OR2T11: variants seen among roughly 807,000 people sequenced by gnomAD.
OR2T11 encodes the protein olfactory receptor family 2 subfamily T member 11, also known as olfactory receptor 2T11.
Under a neutral mutation model 13.5 loss-of-function variants are expected in OR2T11, and 14 were observed. That is an observed-to-expected ratio of 1.04 (90% CI 0.69 to 1.62). The LOEUF is 1.62. Among genes scored for constraint, OR2T11 ranks in the 40% most tolerant of loss-of-function variants. The pLI is 0.00. For synonymous variants in OR2T11, 163 were observed against 154.6 expected (o/e 1.05, Z -0.40); for missense variants, 410 against 389.7 (o/e 1.05, Z -0.44).
rs775413045 is a variant in OR2T11, at chr1:248,629,155, C to A, written c.-144-1883G>T. Among the ~76,000 whole-genome samples the A allele has an allele frequency of 7.7e-5, 11 of 142,546 alleles. 2 individuals carry two copies. The highest frequency in any genetic ancestry group is 1.4e-4 in the African/African-American group (5 of 35,986). 93.5% of individuals were successfully genotyped at this position (142,546 alleles called of 152,430 possible). A position where few individuals can be genotyped will look rare whatever the true frequency, so the allele number is the denominator to read the frequency against. On this transcript the variant is annotated intron_variant, in intron 1 of 1. Coordinates refer to ENST00000641193, the MANE Select transcript of OR2T11 (RefSeq NM_001001964.2). ...GGTGTGGTGGTTCATGCCTGTAACC[C>A]CAGCACTTAGGGAGGCCAGGGCGGA...
At position 248,631,862 on chromosome 1, in the gene OR2T11, T is replaced by C. The variant is rs1165722961; in HGVS notation, c.-145+3176A>G. Reference sequence around the variant, plus strand: ...ATGACTCATCTCCCAGCAGACATCATAAAGCCCCATTCAATAGGCATGTTT... The same window carrying C: ...ATGACTCATCTCCCAGCAGACATCACAAAGCCCCATTCAATAGGCATGTTT... On this transcript the variant is annotated intron_variant, in intron 1 of 1. Coordinates refer to ENST00000641193, the MANE Select transcript of OR2T11 (RefSeq NM_001001964.2). Among the ~76,000 whole-genome samples the C allele has an allele frequency of 9.8e-5, 14 of 143,422 alleles. 1 individual carries two copies. Among genetic ancestry groups the C allele is most frequent in the African/African-American group, 1.6e-4 (6 of 36,432 alleles). 94.1% of individuals were successfully genotyped at this position (143,422 alleles called of 152,430 possible).
In OR2T11 at chr1:248,626,033, C is replaced by G; in HGVS notation, c.*145G>C. On this transcript the variant is annotated 3_prime_UTR_variant, in exon 2 of 2. Transcript: ENST00000641193. Reference sequence around the variant, plus strand: ...ATAACAGTAAAACATCTTTCCCTTGCTCCCGAGGAGCAAGAATCCAGACAG... The same window carrying G: ...ATAACAGTAAAACATCTTTCCCTTGGTCCCGAGGAGCAAGAATCCAGACAG... 2 of 554,378 alleles carry G rather than the reference C, an allele frequency of 3.6e-6. 1 individual carries two copies. Among genetic ancestry groups the G allele is most frequent in the Non-Finnish European group, 6.4e-6 (2 of 311,232 alleles). The allele number at this position is 554,378 out of a possible 1,614,324, so 34.3% of individuals were successfully genotyped here.
Position 248,626,925 on chromosome 1 carries a change from G to C in OR2T11, c.204C>G (p.Thr68=), listed in dbSNP as rs749864864. Residue 68 remains threonine (T), a synonymous_variant, in exon 2 of 2, where the codon ACC becomes ACG. Coordinates refer to ENST00000641193, the MANE Select transcript of OR2T11 (RefSeq NM_001001964.2). ...FLLSQLSIMD[T]LFICTTVPKL... ...TTGGGACAGTGGTACAGATGAAAAGGGTGTCCATGATGGACAGCTGACTGA... is the reference window on the plus strand; with the variant it reads ...TTGGGACAGTGGTACAGATGAAAAGCGTGTCCATGATGGACAGCTGACTGA... The C allele has an allele frequency of 1.3e-5, 20 of 1,570,834 alleles. 3 individuals are homozygous for C. The highest frequency in any genetic ancestry group is 2.3e-5 in the South Asian group (2 of 88,834).
Position 248,623,655 on chromosome 1 carries a change from A to G in OR2T11, c.*2523T>C, listed in dbSNP as rs1305149055. ...AATTATATGCCTTGGAAAAGCATAA[A>G]TATGACACACTTTATTCACAAAGGA... On this transcript the variant is annotated 3_prime_UTR_variant, in exon 2 of 2. Transcript: ENST00000641193. The G allele has an allele frequency of 7.0e-6, 1 of 142,634 alleles. No homozygotes were observed. Among genetic ancestry groups the G allele is most frequent in the African/African-American group, 2.8e-5 (1 of 35,710 alleles). The allele number at this position is 142,634 out of a possible 1,614,324, so 8.8% of individuals were successfully genotyped here. A position where few individuals can be genotyped will look rare whatever the true frequency, so the allele number is the denominator to read the frequency against.
chr1:248,634,413 T>A lies in OR2T11; in HGVS notation c.-145+625A>T, dbSNP rs1247398526. On this transcript the variant is annotated intron_variant, in intron 1 of 1. Transcript: ENST00000641193. ...AATGTAGTCAAAGCAAACCAAGTAT[T>A]TTCCTGGCCTTTATTACCTGGGATT... Among the ~76,000 whole-genome samples the A allele has an allele frequency of 1.4e-5, 2 of 142,160 alleles. 1 individual carries two copies. The highest frequency in any genetic ancestry group is 3.0e-5 in the Non-Finnish European group (2 of 66,144). 93.3% of individuals were successfully genotyped at this position (142,160 alleles called of 152,430 possible). A position where few individuals can be genotyped will look rare whatever the true frequency, so the allele number is the denominator to read the frequency against.
Position 248,626,382 on chromosome 1 carries a change from A to G in OR2T11, c.747T>C (p.Tyr249=), listed in dbSNP as rs1438474406. 4 of 1,573,214 alleles carry G rather than the reference A, an allele frequency of 2.5e-6. No homozygotes were observed. Among genetic ancestry groups the G allele is most frequent in the Non-Finnish European group, 3.5e-6 (4 of 1,156,752 alleles). ...SSHLTVVSIF[Y]GAAFYTYVLP... is the part of the protein sequence containing the mutation. ...GCACGTATGTGTAGAAGGCAGCCCC[A>G]TAGAAGATGCTAACTACAGTCAAGT... The change falls in exon 2 of 2, where the codon TAT becomes TAC. Residue 249 remains tyrosine, a synonymous_variant. Coordinates refer to ENST00000641193, the MANE Select transcript of OR2T11 (RefSeq NM_001001964.2).
chr1:248,633,754 A>G (rs1660646875), intron 1 of OR2T11, among the ~76,000 whole-genome samples: 1 of 143,564 alleles, frequency 7.0e-6, no homozygotes, highest in South Asian at 2.2e-4. Flanking sequence ...AATTTTGACA[A>G]CATCAACTGA....
intron 1 of OR2T11, among the ~76,000 whole-genome samples, chr1:248,628,491 A>T (rs1439897236): frequency 7.1e-6 from 1 of 141,230 alleles, no homozygotes; most frequent in Non-Finnish European, 1.5e-5. Flanking sequence ...TGCCAGATTT[A>T]GCAAAGATAC....
Position 248,625,944 on chromosome 1 carries a change from A to G in OR2T11, c.*234T>C, listed in dbSNP as rs1377944800. 2 of 337,594 alleles carry G rather than the reference A, an allele frequency of 5.9e-6. No individual in the cohort carries two copies. Among genetic ancestry groups the G allele is most frequent in the Middle Eastern group, 7.4e-4 (1 of 1,344 alleles). The allele number at this position is 337,594 out of a possible 1,614,324, so 20.9% of individuals were successfully genotyped here. On this transcript the variant is annotated 3_prime_UTR_variant, in exon 2 of 2. Coordinates refer to ENST00000641193, the MANE Select transcript of OR2T11 (RefSeq NM_001001964.2). ...TGGGGTTTTTCTTCCCTAAATAAAA[A>G]GACTAGATAAATTATTTAACTTCAT...
chr1:248,627,278 G>A lies in OR2T11; in HGVS notation c.-144-6C>T. ...TGAAGCTTCCAGGCTAGAGGCTAGA[G>A]AAGAACAGGCAGACCAACATGCACA... On this transcript the variant is annotated splice_polypyrimidine_tract_variant and splice_region_variant and intron_variant, in intron 1 of 1. Transcript: ENST00000641193. 3.5e-6 allele frequency: 2 copies of A among 577,830 alleles called. No homozygotes were observed. Among genetic ancestry groups the A allele is most frequent in the Admixed American group, 6.1e-5 (2 of 32,686 alleles). 35.8% of individuals were successfully genotyped at this position (577,830 alleles called of 1,614,324 possible). A position where few individuals can be genotyped will look rare whatever the true frequency, so the allele number is the denominator to read the frequency against.
rs777812111 is a variant in OR2T11, at chr1:248,626,178, C to A, written c.951G>T (p.Ter317TyrextTer36). 2.9e-5 allele frequency: 42 copies of A among 1,457,328 alleles called. 2 individuals are homozygous for A. Among genetic ancestry groups the A allele is most frequent in the Non-Finnish European group, 3.8e-5 (40 of 1,053,818 alleles). The allele number at this position is 1,457,328 out of a possible 1,614,324, so 90.3% of individuals were successfully genotyped here. Residue 317 changes from the stop codon to tyrosine (Y), a stop_lost, in exon 2 of 2, where the codon TAG becomes TAT. Transcript: ENST00000641193. Reference protein sequence around the residue: ...SAQKVATSDA* With the variant: ...SAQKVATSDAY ...GCCTTATCCTCTGGGCAGTGACTCT[C>A]TAAGCATCACTTGTTGCTACTTTCT...
In OR2T11 at chr1:248,626,383, T is replaced by C; in HGVS notation, c.746A>G (p.Tyr249Cys). The C allele has an allele frequency of 6.4e-7, 1 of 1,572,630 alleles. No individual in the cohort carries two copies. Among genetic ancestry groups the C allele is most frequent in the Non-Finnish European group, 8.6e-7 (1 of 1,156,442 alleles). ...SSHLTVVSIF[Y>C]GAAFYTYVLP... ...CACGTATGTGTAGAAGGCAGCCCCA[T>C]AGAAGATGCTAACTACAGTCAAGTG... The change falls in exon 2 of 2, where the codon TAT becomes TGT. Residue 249 changes from tyrosine (Y) to cysteine (C), a missense_variant. Physicochemically the swap from Tyr to Cys is radical, Grantham distance 194 (BLOSUM62 -2). Transcript: ENST00000641193.
At chr1:248,627,385 G>A in intron 1 of OR2T11, 113 bp from the exon 2 acceptor site, 1 of 467,998 alleles carries the variant, frequency 2.1e-6, no homozygotes, top group Non-Finnish European at 3.8e-6. Context: ...TCATGCTGCT[G>A]GAGGTTATGG....
intron 1 of OR2T11, among the ~76,000 whole-genome samples, chr1:248,630,478 C>A (rs537669477): frequency 7.0e-6 from 1 of 143,724 alleles, no homozygotes; most frequent in Non-Finnish European, 1.5e-5. Flanking sequence ...TCTGTCCTTG[C>A]TCTGACAGCT....
At position 248,625,620 on chromosome 1, in the gene OR2T11, G is replaced by A. The variant is rs927721163; in HGVS notation, c.*558C>T. On this transcript the variant is annotated 3_prime_UTR_variant, in exon 2 of 2. Coordinates refer to ENST00000641193, the MANE Select transcript of OR2T11 (RefSeq NM_001001964.2). ...TGTTCAATTCACCACCATTTATTGT[G>A]GCCTAGTATTTGATAGCTGCTGTCT... 2 of 145,946 alleles carry A rather than the reference G, an allele frequency of 1.4e-5. No homozygotes were observed. Among genetic ancestry groups the A allele is most frequent in the African/African-American group, 5.5e-5 (2 of 36,546 alleles). The allele number at this position is 145,946 out of a possible 1,614,324, so 9.0% of individuals were successfully genotyped here.
Position 248,625,952 on chromosome 1 carries a change from TAAA to T in OR2T11, c.*223_*225del, listed in dbSNP as rs1217287311. ...TTCTTCCCTAAATAAAAAGACTAGA[TAAA>T]TTATTTAACTTCATAATAAACCATT... On this transcript the variant is annotated 3_prime_UTR_variant, in exon 2 of 2. Coordinates refer to ENST00000641193, the MANE Select transcript of OR2T11 (RefSeq NM_001001964.2). 6.6e-5 allele frequency: 24 copies of T among 362,150 alleles called. 1 individual carries two copies. The highest frequency in any genetic ancestry group is 9.8e-5 in the Non-Finnish European group (20 of 204,800). 22.4% of individuals were successfully genotyped at this position (362,150 alleles called of 1,614,324 possible). A position where few individuals can be genotyped will look rare whatever the true frequency, so the allele number is the denominator to read the frequency against.
At chr1:248,628,286 A>G (rs1401355061) in intron 1 of OR2T11, among the ~76,000 whole-genome samples, 1 of 143,232 alleles carries the variant, frequency 7.0e-6, no homozygotes, top group Admixed American at 6.8e-5. Flanking sequence ...TAGACAAGAG[A>G]AAGAACCATA....
chr1:248,626,093 G>C lies in OR2T11; in HGVS notation c.*85C>G. 1.3e-6 allele frequency: 1 copy of C among 760,084 alleles called. No individual in the cohort carries two copies. The highest frequency in any genetic ancestry group is 2.2e-6 in the Non-Finnish European group (1 of 449,718). The allele number at this position is 760,084 out of a possible 1,614,324, so 47.1% of individuals were successfully genotyped here. A position where few individuals can be genotyped will look rare whatever the true frequency, so the allele number is the denominator to read the frequency against. On this transcript the variant is annotated 3_prime_UTR_variant, in exon 2 of 2. Transcript: ENST00000641193. The stretch of plus-strand genomic sequence containing the variant: ...TCTTAACTGCCAGTAGTAAGTGTAG[G>C]TTGATAGCTGAGCAGATCATCTCCA...
rs745974136 is a variant in OR2T11 at position 248,627,089 on chromosome 1, G to A, written c.40C>T (p.Leu14Phe). ...CCGGCAGCCTCACTGTTCACCAGAAGCCCCAGGAGGGTGAAGTCAGAGGAT... is the reference window on the plus strand; with the variant it reads ...CCGGCAGCCTCACTGTTCACCAGAAACCCCAGGAGGGTGAAGTCAGAGGAT... ...TSSSDFTLLGLLVNSEAAGIV... is the reference protein window; with the variant it reads ...TSSSDFTLLGFLVNSEAAGIV... Residue 14 changes from leucine to phenylalanine, a missense_variant, in exon 2 of 2, where the codon CTT becomes TTT. Physicochemically the swap from Leu to Phe is conservative, Grantham distance 22. Coordinates refer to ENST00000641193, the MANE Select transcript of OR2T11 (RefSeq NM_001001964.2). 10 of 1,567,056 alleles carry A rather than the reference G, an allele frequency of 6.4e-6. 1 individual carries two copies. The highest frequency in any genetic ancestry group is 7.8e-6 in the Non-Finnish European group (9 of 1,152,324).
Sources: allele counts gnomAD v4.1 joint callset (sites outside exome capture counted in the v4.1 genomes callset), GRCh38; gene constraint gnomAD v4.1.1; transcripts MANE v1.5; gene names NCBI Gene and HGNC (gene_info 2026-07-23, HGNC 2026-07-21).